Variants in SDK1 observed in about 807,000 individuals in gnomAD.
The protein encoded by SDK1 is protein sidekick-1.
A neutral mutation model predicts 245.5 loss-of-function variants in SDK1; 157 were observed. The observed-to-expected ratio is 0.64, with a 90% CI of 0.56 to 0.73. SDK1 has a LOEUF of 0.73. Ranked by LOEUF, SDK1 falls within the 30% of genes least tolerant of loss-of-function variation. The pLI is 0.00. For missense variants in SDK1, 3,583 were observed against 3,002.3 expected (o/e 1.19, Z -4.52); for synonymous variants, 1,647 against 1,278.5 (o/e 1.29, Z -6.15).
At chr7:3,824,270 T>C (rs910429128) in intron 5 of SDK1, among the ~76,000 whole-genome samples, 2 of 152,222 alleles carry the variant, frequency 1.3e-5, no homozygotes, top group Non-Finnish European at 2.9e-5. Context: ...GATGTAGGCT[T>C]TTGTGGAAAC....
Position 3,844,855 on chromosome 7 carries a change from A to G in SDK1, c.847+23272A>G, listed in dbSNP as rs190578178. 5.5e-4 allele frequency among the ~76,000 whole-genome samples: 83 copies of G among 152,284 alleles called. 1 individual carries two copies. The highest frequency in any genetic ancestry group is 1.6e-3 in the African/African-American group (66 of 41,562). The stretch of plus-strand genomic sequence containing the variant: ...TCAAATGTGCAGTTTGGTATTCACA[A>G]TCCTTTATGAGTAGAACCTCCTGAA... On this transcript the variant is annotated intron_variant, in intron 5 of 44. Coordinates refer to ENST00000404826, the MANE Select transcript of SDK1 (RefSeq NM_152744.4).
chr7:3,463,970 C>T (rs546142986), intron 1 of SDK1, among the ~76,000 whole-genome samples: 6 of 152,288 alleles, frequency 3.9e-5, no homozygotes, highest in Non-Finnish European at 8.8e-5. Flanking sequence ...CTTCATTACC[C>T]AGAGGACCAG....
intron 1 of SDK1, among the ~76,000 whole-genome samples, chr7:3,608,051 T>C (rs911616237): frequency 6.6e-6 from 1 of 152,348 alleles, no homozygotes; most frequent in Non-Finnish European, 1.5e-5. Flanking sequence ...GTGAGAAAAC[T>C]TCTGGCACCT....
rs556111820 is a variant in SDK1, at chr7:3,935,900, A to G, written c.848-15023A>G. Among the ~76,000 whole-genome samples the G allele has an allele frequency of 7.9e-5, 12 of 152,362 alleles. No individual in the cohort carries two copies. In the South Asian group the frequency reaches 2.3e-3, roughly 29 times the overall value. Reference sequence around the variant, plus strand: ...CAATTCCACTTCTGGATATATACCCAAAAGAGCTGAAAGCAGAGAGTTGAA... The same window carrying G: ...CAATTCCACTTCTGGATATATACCCGAAAGAGCTGAAAGCAGAGAGTTGAA... On this transcript the variant is annotated intron_variant, in intron 5 of 44. Transcript: ENST00000404826.
intron 35 of SDK1, among the ~76,000 whole-genome samples, chr7:4,196,247 A>G (rs1320067633): frequency 1.3e-5 from 2 of 151,594 alleles, no homozygotes; most frequent in African/African-American, 4.8e-5. Flanking sequence ...CGCCTCTGTC[A>G]CTCTTCTTCC....
At chr7:3,894,419 G>A (rs915763556) in intron 5 of SDK1, among the ~76,000 whole-genome samples, 1 of 151,686 alleles carries the variant, frequency 6.6e-6, no homozygotes, top group African/African-American at 2.4e-5. Context: ...GACAGCCTCT[G>A]CAGGGCCTTG....
intron 5 of SDK1, among the ~76,000 whole-genome samples, chr7:3,841,998 C>G (rs975872174): frequency 6.6e-6 from 1 of 152,232 alleles, no homozygotes; most frequent in East Asian, 1.9e-4. Flanking sequence ...ACTGACACCT[C>G]TCCTCCACCT....
At chr7:3,450,869 C>G (rs545373035) in intron 1 of SDK1, among the ~76,000 whole-genome samples, 1 of 152,016 alleles carries the variant, frequency 6.6e-6, no homozygotes, top group Non-Finnish European at 1.5e-5. Flanking sequence ...CAAGAAGACA[C>G]TGAGAAGGAA....
intron 1 of SDK1, among the ~76,000 whole-genome samples, chr7:3,551,980 G>C (rs1779431479): frequency 6.6e-6 from 1 of 151,914 alleles, no homozygotes; most frequent in Non-Finnish European, 1.5e-5. Context: ...CTATGGCCTG[G>C]GTCGTTCGGG....
At chr7:3,664,975 G>A (rs1274004575) in intron 4 of SDK1, among the ~76,000 whole-genome samples, 1 of 152,162 alleles carries the variant, frequency 6.6e-6, no homozygotes, top group East Asian at 1.9e-4. Flanking sequence ...TCCACAGCAG[G>A]ATGATTCAGA....
chr7:3,918,331 A>G (rs1294808746), intron 5 of SDK1, among the ~76,000 whole-genome samples: 4 of 152,226 alleles, frequency 2.6e-5, no homozygotes, highest in African/African-American at 9.6e-5. Context: ...AGCTGCTCCC[A>G]TCGCTGGCAT....
At chr7:3,959,627 A>G (rs1781521018) in intron 8 of SDK1, among the ~76,000 whole-genome samples, 3 of 152,156 alleles carry the variant, frequency 2.0e-5, no homozygotes, top group Non-Finnish European at 2.9e-5. Context: ...ATCCATGTGC[A>G]CATGTGACTT....
At chr7:4,080,490 C>T (rs2091406) in intron 22 of SDK1, among the ~76,000 whole-genome samples, 3,552 of 152,280 alleles carry the variant, frequency 0.023, 68 homozygotes, top group Admixed American at 0.051. Context: ...TACTGCAAGA[C>T]GATCCACTCC....
At chr7:3,840,717 C>G (rs1281381522) in intron 5 of SDK1, among the ~76,000 whole-genome samples, 1 of 152,204 alleles carries the variant, frequency 6.6e-6, no homozygotes, top group African/African-American at 2.4e-5. Context: ...GCAGAGTTCT[C>G]GAGTTGTGCT....
At chr7:3,960,054 A>G (rs1260852074) in intron 8 of SDK1, among the ~76,000 whole-genome samples, 1 of 152,230 alleles carries the variant, frequency 6.6e-6, no homozygotes, top group African/African-American at 2.4e-5. Flanking sequence ...CGTCCTAAGG[A>G]TAGTATTTTC....
intron 1 of SDK1, among the ~76,000 whole-genome samples, chr7:3,365,534 C>G (rs1194292563): frequency 6.6e-6 from 1 of 152,194 alleles, no homozygotes; most frequent in African/African-American, 2.4e-5. Context: ...TTTTCTCTTA[C>G]ACTGAAAATA....
At chr7:3,885,494 C>G (rs971477699) in intron 5 of SDK1, among the ~76,000 whole-genome samples, 4 of 152,148 alleles carry the variant, frequency 2.6e-5, no homozygotes, top group African/African-American at 9.7e-5. Flanking sequence ...GTGTCACTTA[C>G]TAAGAACCCA....
intron 4 of SDK1, among the ~76,000 whole-genome samples, chr7:3,700,969 G>C (rs1159284498): frequency 6.6e-6 from 1 of 152,148 alleles, no homozygotes; most frequent in Admixed American, 6.5e-5. Context: ...AAAAAATGTG[G>C]AGAGCGGACA....
chr7:3,972,745 G>C (rs1782588085), intron 12 of SDK1, among the ~76,000 whole-genome samples: 1 of 152,202 alleles, frequency 6.6e-6, no homozygotes, highest in Non-Finnish European at 1.5e-5. Flanking sequence ...AGACTCGGCT[G>C]TTCTCTCGCG....
Sources: allele counts gnomAD v4.1 joint callset (sites outside exome capture counted in the v4.1 genomes callset), GRCh38; gene constraint gnomAD v4.1.1; transcripts MANE v1.5; gene names NCBI Gene and HGNC (gene_info 2026-07-23, HGNC 2026-07-21).